Variants in SNRPN observed in about 807,000 individuals in gnomAD.
SNRPN encodes the protein small nuclear ribonucleoprotein polypeptide N.
In SNRPN, 7 loss-of-function variants were observed where a neutral mutation model predicts 25.2. That is an observed-to-expected ratio of 0.28 (90% CI 0.16 to 0.52). The LOEUF (loss-of-function observed/expected upper bound fraction) is 0.52. Among genes scored for constraint, SNRPN ranks in the 20% least tolerant of loss-of-function variants. The probability of loss-of-function intolerance (pLI) is 0.96; values close to 1 mark genes in which losing one functional copy is unlikely to be tolerated. For missense variants in SNRPN, 196 were observed against 322.5 expected (o/e 0.61, Z 3.00); for synonymous variants, 124 against 110.6 (o/e 1.12, Z -0.76).
Position 24,943,070 on chromosome 15 carries a change from A to G in SNRPN, c.-390-19044A>G, listed in dbSNP as rs150690583. The stretch of plus-strand genomic sequence containing the variant: ...GCTGATTTAGAGGGGTCTATCTATA[A>G]GTCCATCTATCTCTTCCCAAGGCTT... On this transcript the variant is annotated intron_variant, in intron 3 of 11. Transcript: ENST00000400097. Among the ~76,000 whole-genome samples, 1,423 of 151,832 alleles carry G rather than the reference A, an allele frequency of 9.4e-3. 27 individuals are homozygous for G. Among genetic ancestry groups the G allele is most frequent in the African/African-American group, 0.033 (1,372 of 41,382 alleles).
chr15:24,855,293 G>A (rs1036879677), upstream of SNRPN, among the ~76,000 whole-genome samples: 1 of 152,098 alleles, frequency 6.6e-6, no homozygotes, highest in Non-Finnish European at 1.5e-5. Flanking sequence ...TGGATTATTA[G>A]TTCATTTCAT....
intron 2 of SNRPN, among the ~76,000 whole-genome samples, chr15:24,886,743 C>T (rs1004669981): frequency 6.6e-5 from 10 of 152,130 alleles, no homozygotes; most frequent in Admixed American, 2.0e-4. Context: ...GACATGACGT[C>T]GTTTATGACA....
chr15:24,948,133 A>G (rs1174146050), intron 3 of SNRPN, among the ~76,000 whole-genome samples: 1 of 144,882 alleles, frequency 6.9e-6, no homozygotes, highest in Non-Finnish European at 1.5e-5. Context: ...ATGTTTTGAG[A>G]TGGAGTCTCA....
At chr15:24,834,488 C>T (rs2050837888) in intron 2 of SNRPN, among the ~76,000 whole-genome samples, 1 of 151,984 alleles carries the variant, frequency 6.6e-6, no homozygotes, top group Admixed American at 6.6e-5. Context: ...CAGTTTTCAA[C>T]TTCATCTGGA....
At chr15:24,828,812 A>T (rs556485455) in intron 1 of SNRPN, among the ~76,000 whole-genome samples, 6 of 152,218 alleles carry the variant, frequency 3.9e-5, no homozygotes, top group African/African-American at 1.4e-4. Context: ...TCAAGAAAAA[A>T]AATTGTTCGT....
intron 3 of SNRPN, among the ~76,000 whole-genome samples, chr15:24,926,656 A>C (rs1453648677): frequency 6.6e-6 from 1 of 151,656 alleles, no homozygotes; most frequent in Non-Finnish European, 1.5e-5. Flanking sequence ...AGATGTATCC[A>C]TGCTATTTTA....
At chr15:24,948,683 T>C (rs1347214396) in intron 3 of SNRPN, among the ~76,000 whole-genome samples, 1 of 152,188 alleles carries the variant, frequency 6.6e-6, no homozygotes. Flanking sequence ...TCACTTTGTT[T>C]TGATGACCTT....
chr15:24,882,102 G>A (rs924078461), intron 1 of SNRPN, among the ~76,000 whole-genome samples: 4 of 152,068 alleles, frequency 2.6e-5, no homozygotes, highest in African/African-American at 9.7e-5. Context: ...CAAGCTGTAG[G>A]TGTCCTGCTA....
chr15:24,830,173 C>A (rs1298499723), intron 2 of SNRPN, among the ~76,000 whole-genome samples: 11 of 151,952 alleles, frequency 7.2e-5, no homozygotes, highest in Non-Finnish European at 1.0e-4. Flanking sequence ...CAATACTTAA[C>A]GTTTATTTTT....
chr15:24,911,740 G>T (rs1329337974), intron 2 of SNRPN, among the ~76,000 whole-genome samples: 2 of 152,224 alleles, frequency 1.3e-5, no homozygotes, highest in Non-Finnish European at 2.9e-5. Context: ...TGCTGTAGGG[G>T]CAGGGCTGCC....
chr15:24,974,420 A>G lies in SNRPN; in HGVS notation c.-34A>G, dbSNP rs2076825476. On this transcript the variant is annotated 5_prime_UTR_variant, in exon 4 of 10. Transcript: ENST00000390687. The stretch of plus-strand genomic sequence containing the variant: ...TAGGTCTTCAGAAGCATCAAGTTTT[A>G]ACTGTGGACATTGGATTTGGTGGAA... The G allele has an allele frequency of 1.2e-6, 2 of 1,611,368 alleles. No homozygotes were observed. Among genetic ancestry groups the G allele is most frequent in the African/African-American group, 2.7e-5 (2 of 74,834 alleles).
At chr15:24,827,824 A>G (rs1453557) in intron 1 of SNRPN, among the ~76,000 whole-genome samples, 136,506 of 150,542 alleles carry the variant, frequency 0.91, 62,144 homozygotes, top group East Asian at 0.97. Flanking sequence ...CCAAGACTGC[A>G]CCACTGCACT....
chr15:24,961,206 G>T (rs1386257530), intron 1 of SNRPN, among the ~76,000 whole-genome samples: 2 of 152,160 alleles, frequency 1.3e-5, no homozygotes, highest in Non-Finnish European at 2.9e-5. Context: ...AATCAAATAT[G>T]TGTGTATGGC....
At chr15:24,878,481 T>C (rs978953948) in intron 1 of SNRPN, among the ~76,000 whole-genome samples, 1 of 152,248 alleles carries the variant, frequency 6.6e-6, no homozygotes, top group African/African-American at 2.4e-5. Context: ...TCCGTTTCCG[T>C]GCGCCCCGAG....
intron 2 of SNRPN, among the ~76,000 whole-genome samples, chr15:24,842,855 G>T (rs980409666): frequency 1.3e-5 from 2 of 152,080 alleles, no homozygotes; most frequent in Admixed American, 6.6e-5. Context: ...CACCCCAAAA[G>T]TTCCTTGTAG....
chr15:24,926,628 T>A (rs2060399520), intron 3 of SNRPN, among the ~76,000 whole-genome samples: 1 of 152,118 alleles, frequency 6.6e-6, no homozygotes, highest in Non-Finnish European at 1.5e-5. Flanking sequence ...GGTTTTTTTT[T>A]TGCACTTTTT....
At chr15:24,923,921 ACAT>A (rs1227225275) in intron 3 of SNRPN, among the ~76,000 whole-genome samples, 136 of 13,016 alleles carry the variant, frequency 0.01, 1 homozygote, top group Middle Eastern at 0.05. Context: ...GTGTATATAA[ACAT>A]TTTTTTTTTT....
At position 24,940,376 on chromosome 15, in the gene SNRPN, T is replaced by G. The variant is rs183282589; in HGVS notation, c.-391+20252T>G. Among the ~76,000 whole-genome samples, 322 of 152,308 alleles carry G rather than the reference T, an allele frequency of 2.1e-3. 1 individual carries two copies. The highest frequency in any genetic ancestry group is 3.8e-3 in the Non-Finnish European group (261 of 68,030). ...GTCTCTGATCCATTTCAAGTTCATT[T>G]TTGTATATGATGTAAGGAAAGGGTC... On this transcript the variant is annotated intron_variant, in intron 3 of 11. Transcript: ENST00000400097.
chr15:24,828,087 T>G (rs567170562), intron 1 of SNRPN, among the ~76,000 whole-genome samples: 1 of 152,158 alleles, frequency 6.6e-6, no homozygotes, highest in South Asian at 2.1e-4. Flanking sequence ...AAATCACAAG[T>G]TTTACTCACA....
Sources: allele counts gnomAD v4.1 joint callset (sites outside exome capture counted in the v4.1 genomes callset), GRCh38; gene constraint gnomAD v4.1.1; transcripts MANE v1.5; gene names NCBI Gene and HGNC (gene_info 2026-07-23, HGNC 2026-07-21).